Variants in PRKN observed in about 807,000 individuals in gnomAD.
PRKN encodes parkin RBR E3 ubiquitin protein ligase, also known as E3 ubiquitin-protein ligase parkin.
In PRKN, 56 loss-of-function variants were observed where a neutral mutation model predicts 59.5. The ratio of observed to expected loss-of-function variants is 0.94; its 90% CI spans 0.76 to 1.18. The LOEUF is 1.18. Ranked by LOEUF, PRKN falls within the 50% of genes most tolerant of loss-of-function variation. The pLI is 0.00. For missense variants in PRKN, 657 were observed against 596.4 expected, an observed-to-expected ratio of 1.10 and a Z score of -1.06; for synonymous variants, 250 against 222.1, an observed-to-expected ratio of 1.13 and a Z score of -1.12.
chr6:162,375,132 A>T (rs1785991618), intron 2 of PRKN, among the ~76,000 whole-genome samples: 1 of 152,120 alleles, frequency 6.6e-6, no homozygotes, highest in African/African-American at 2.4e-5. Context: ...TGCATTTATA[A>T]TGACTGTCCC....
In PRKN at chr6:162,187,623, G is replaced by T. The variant is rs76077906; in HGVS notation, c.534+13508C>A. ...TTTGTTTAGTTGGTTGTTTTCAAGA[G>T]ACTGGACACTACTATGTACTGAAAT... On this transcript the variant is annotated intron_variant, in intron 4 of 11. Transcript: ENST00000366898. Among the ~76,000 whole-genome samples the T allele has an allele frequency of 5.2e-3, 793 of 152,228 alleles. 6 individuals are homozygous for T. The highest frequency in any genetic ancestry group is 0.018 in the African/African-American group (753 of 41,536).
intron 4 of PRKN, among the ~76,000 whole-genome samples, chr6:162,108,905 G>A (rs370407329): frequency 2.0e-5 from 3 of 152,238 alleles, no homozygotes; most frequent in Non-Finnish European, 4.4e-5. Context: ...TGCCCAGGAA[G>A]GAACTGAGGG....
intron 3 of PRKN, among the ~76,000 whole-genome samples, chr6:162,260,052 C>T (rs1303291292): frequency 1.3e-5 from 2 of 152,284 alleles, no homozygotes; most frequent in Admixed American, 6.5e-5. Context: ...ACAGATGCAA[C>T]ATATCTTTAC....
chr6:162,091,331 T>C (rs1779485776), intron 4 of PRKN, among the ~76,000 whole-genome samples: 1 of 152,166 alleles, frequency 6.6e-6, no homozygotes. Flanking sequence ...TGGAAGAAGA[T>C]GGAATAAATA....
intron 1 of PRKN, among the ~76,000 whole-genome samples, chr6:162,535,054 T>TCCATCCCCAGTCCTCTC (rs1404139170): frequency 2.0e-5 from 3 of 151,746 alleles, no homozygotes; most frequent in African/African-American, 7.3e-5. Context: ...CCAGTCCTCT[T>TCCATCCCCAGTCCTCTC]CCTGGGGGTA....
intron 5 of PRKN, among the ~76,000 whole-genome samples, chr6:161,973,657 G>A (rs1214026658): frequency 6.6e-6 from 1 of 152,192 alleles, no homozygotes; most frequent in East Asian, 1.9e-4. Flanking sequence ...AAGCGAGGGA[G>A]CTGGAGAAAT....
intron 5 of PRKN, among the ~76,000 whole-genome samples, chr6:162,049,349 GGAGTCA>G (rs1407672737): frequency 2.0e-5 from 3 of 151,982 alleles, no homozygotes; most frequent in African/African-American, 7.2e-5. Flanking sequence ...AGAAAATACA[GGAGTCA>G]GAGTTTATAT....
intron 6 of PRKN, among the ~76,000 whole-genome samples, chr6:161,789,362 C>A (rs1790549584): frequency 6.6e-6 from 1 of 152,084 alleles, no homozygotes; most frequent in South Asian, 2.1e-4. Flanking sequence ...ATAAACTGCC[C>A]CTCCCCTACC....
chr6:162,176,085 T>C (rs2128321297), intron 4 of PRKN, among the ~76,000 whole-genome samples: 1 of 152,306 alleles, frequency 6.6e-6, no homozygotes, highest in South Asian at 2.1e-4. Context: ...CAATTAAATA[T>C]TCAACTCTTA....
intron 2 of PRKN, among the ~76,000 whole-genome samples, chr6:162,399,546 CAT>C (rs1402457729): frequency 6.6e-6 from 1 of 152,134 alleles, no homozygotes; most frequent in African/African-American, 2.4e-5. Flanking sequence ...CACACACACA[CAT>C]GCATGTATGC....
chr6:162,364,885 T>C (rs1014569371), intron 2 of PRKN, among the ~76,000 whole-genome samples: 1 of 152,076 alleles, frequency 6.6e-6, no homozygotes, highest in East Asian at 1.9e-4. Context: ...CTAATACTTA[T>C]ACGCCATAGG....
intron 7 of PRKN, among the ~76,000 whole-genome samples, 194 bp downstream of exon 7, chr6:161,785,578 C>T (rs911179038): frequency 2.0e-5 from 3 of 152,112 alleles, no homozygotes; most frequent in African/African-American, 7.2e-5. Context: ...ATGCATTTTC[C>T]AGTTCAACAC....
At chr6:162,148,780 A>C (rs2128313074) in intron 4 of PRKN, among the ~76,000 whole-genome samples, 1 of 152,320 alleles carries the variant, frequency 6.6e-6, no homozygotes, top group South Asian at 2.1e-4. Flanking sequence ...AGCAGTCAGG[A>C]AATTAGGAAG....
chr6:162,363,894 C>A (rs1211509324), intron 2 of PRKN, among the ~76,000 whole-genome samples: 1 of 152,164 alleles, frequency 6.6e-6, no homozygotes, highest in Non-Finnish European at 1.5e-5. Context: ...GCAAGGTCTT[C>A]CCCTAGACAA....
intron 3 of PRKN, among the ~76,000 whole-genome samples, chr6:162,203,149 T>C (rs1014970090): frequency 3.9e-5 from 6 of 152,226 alleles, no homozygotes; most frequent in Middle Eastern, 3.4e-3. Flanking sequence ...CTTAAGGCAA[T>C]AGTGATGTTT....
At chr6:162,427,118 T>G (rs943804712) in intron 2 of PRKN, among the ~76,000 whole-genome samples, 2 of 152,132 alleles carry the variant, frequency 1.3e-5, no homozygotes, top group African/African-American at 4.8e-5. Flanking sequence ...GAGAAGTAAT[T>G]AGAGAAATGC....
chr6:162,147,846 A>G (rs576714387), intron 4 of PRKN, among the ~76,000 whole-genome samples: 6 of 152,352 alleles, frequency 3.9e-5, no homozygotes, highest in African/African-American at 1.4e-4. Flanking sequence ...TTAACCACAA[A>G]ACATTCAATC....
At chr6:161,863,621 C>T (rs906767442) in intron 6 of PRKN, among the ~76,000 whole-genome samples, 2 of 152,110 alleles carry the variant, frequency 1.3e-5, no homozygotes, top group South Asian at 4.1e-4. Context: ...ACCCAGTCAT[C>T]AGCACCATAC....
At position 161,348,446 on chromosome 6, in the gene PRKN, C is replaced by T. The variant is rs1192590131; in HGVS notation, c.*1653G>A. The T allele has an allele frequency of 4.5e-6, 1 of 223,028 alleles. No individual in the cohort carries two copies. The highest frequency in any genetic ancestry group is 1.8e-4 in the South Asian group (1 of 5,478). The allele number at this position is 223,028 out of a possible 1,614,324, so 13.8% of individuals were successfully genotyped here. A position where few individuals can be genotyped will look rare whatever the true frequency, so the allele number is the denominator to read the frequency against. Reference sequence around the variant, plus strand: ...GTCGGTAGATTTTCAGACAGTGAAGCCACATGAAGCTGTGAATGCTGATGT... The same window carrying T: ...GTCGGTAGATTTTCAGACAGTGAAGTCACATGAAGCTGTGAATGCTGATGT... On this transcript the variant is annotated 3_prime_UTR_variant, in exon 12 of 12. Transcript: ENST00000366898. The surrounding 1 kb of genome is among the most constrained non-coding windows in gnomAD (Gnocchi z 4.9).
Sources: allele counts gnomAD v4.1 joint callset (sites outside exome capture counted in the v4.1 genomes callset), GRCh38; gene constraint gnomAD v4.1.1; non-coding constraint Gnocchi (gnomAD v3.1); transcripts MANE v1.5; gene names NCBI Gene and HGNC (gene_info 2026-07-23, HGNC 2026-07-21).